The following DTNB variants were observed in gnomAD, a reference collection of about 807,000 sequenced individuals.
DTNB encodes the protein DTN-B.
A neutral mutation model predicts 90.7 loss-of-function variants in DTNB; 63 were observed. That is an observed-to-expected ratio of 0.69 (90% CI 0.57 to 0.86). DTNB has a LOEUF of 0.86. Ranked by LOEUF, DTNB falls within the 40% of genes least tolerant of loss-of-function variation. The pLI is 0.00. For missense variants in DTNB, 744 were observed against 807.1 expected (o/e 0.92, Z 0.95); for synonymous variants, 277 against 286.7 (o/e 0.97, Z 0.34).
chr2:25,475,704 T>C (rs1198960238), intron 10 of DTNB, among the ~76,000 whole-genome samples: 1 of 152,244 alleles, frequency 6.6e-6, no homozygotes, highest in East Asian at 1.9e-4. Flanking sequence ...AAGGACAGGC[T>C]GATTCTCTTG....
chr2:25,549,350 G>A (rs1382749866), intron 8 of DTNB, among the ~76,000 whole-genome samples: 1 of 151,574 alleles, frequency 6.6e-6, no homozygotes, highest in Non-Finnish European at 1.5e-5. Flanking sequence ...GATTGGTCAA[G>A]GTTGTTTTTG....
intron 12 of DTNB, among the ~76,000 whole-genome samples, chr2:25,441,238 G>C (rs2057310666): frequency 6.6e-6 from 1 of 152,202 alleles, no homozygotes; most frequent in African/African-American, 2.4e-5. Flanking sequence ...AAACCCAGTT[G>C]GGGCCATTTC....
intron 10 of DTNB, among the ~76,000 whole-genome samples, chr2:25,480,220 C>T (rs770373119): frequency 4.6e-5 from 7 of 152,214 alleles, no homozygotes; most frequent in Admixed American, 2.0e-4. Flanking sequence ...CCTATGGAGC[C>T]GCTACTCAAG....
chr2:25,638,319 G>A (rs187657758), intron 3 of DTNB, among the ~76,000 whole-genome samples: 1 of 152,202 alleles, frequency 6.6e-6, no homozygotes, highest in African/African-American at 2.4e-5. Flanking sequence ...TAACAAACCT[G>A]CACGTTGTGC....
intron 10 of DTNB, among the ~76,000 whole-genome samples, chr2:25,481,411 T>TAAAAAA (rs5829978): frequency 2.1e-5 from 3 of 141,768 alleles, no homozygotes; most frequent in Non-Finnish European, 4.6e-5. Flanking sequence ...TCTCCAAATT[T>TAAAAAA]AAAAAAAAAA....
chr2:25,403,478 C>T (rs1022546215), intron 16 of DTNB, among the ~76,000 whole-genome samples: 11 of 152,106 alleles, frequency 7.2e-5, no homozygotes, highest in Non-Finnish European at 1.5e-4. Context: ...GATGAGAGAC[C>T]TCACCAACCA....
intron 9 of DTNB, among the ~76,000 whole-genome samples, chr2:25,513,751 CAAA>C (rs766882625): frequency 9.4e-6 from 1 of 106,934 alleles, no homozygotes; most frequent in Admixed American, 9.6e-5. Flanking sequence ...ACAAAACAAC[CAAA>C]AAAAAAAAAA....
chr2:25,571,559 C>A (rs141803568), intron 8 of DTNB, among the ~76,000 whole-genome samples: 29 of 152,154 alleles, frequency 1.9e-4, no homozygotes, highest in African/African-American at 6.8e-4. Context: ...CAGATCTCTG[C>A]TGGTAAACTT....
intron 9 of DTNB, among the ~76,000 whole-genome samples, chr2:25,494,085 G>T (rs986733378): frequency 2.6e-5 from 4 of 152,152 alleles, no homozygotes; most frequent in Admixed American, 6.5e-5. Flanking sequence ...GGGAGGTTGT[G>T]GGGGGAAGAC....
At chr2:25,506,281 G>A (rs2072403966) in intron 9 of DTNB, among the ~76,000 whole-genome samples, 1 of 152,042 alleles carries the variant, frequency 6.6e-6, no homozygotes, top group South Asian at 2.1e-4. Context: ...TTTCAAAATA[G>A]AAAAGAGAAC....
Position 25,395,627 on chromosome 2 carries a change from A to G in DTNB, c.1576-7266T>C, listed in dbSNP as rs959919025. 4.0e-5 allele frequency among the ~76,000 whole-genome samples: 6 copies of G among 151,616 alleles called. 1 individual carries two copies. In the East Asian group the frequency reaches 7.7e-4, roughly 20 times the overall value. ...AACCACATCAGCATCAGTTTCTAGCAATAGCAAATATTCAAAATCTATGTG... is the reference window on the plus strand; with the variant it reads ...AACCACATCAGCATCAGTTTCTAGCGATAGCAAATATTCAAAATCTATGTG... On this transcript the variant is annotated intron_variant, in intron 16 of 20. Transcript: ENST00000406818.
rs1033752053 is a variant in DTNB, at chr2:25,613,843, G to A, written c.363-6522C>T. 7.9e-5 allele frequency among the ~76,000 whole-genome samples: 12 copies of A among 151,976 alleles called. No homozygotes were observed. In the South Asian group the frequency reaches 1.2e-3, roughly 16 times the overall value. On this transcript the variant is annotated intron_variant, in intron 4 of 20. Transcript: ENST00000406818. Reference sequence around the variant, plus strand: ...CGTGGTGGCGCTCACCAGTAATCCCGGCTACTCAGGAGGCTGAGGCAGGAG... The same window carrying A: ...CGTGGTGGCGCTCACCAGTAATCCCAGCTACTCAGGAGGCTGAGGCAGGAG...
chr2:25,569,656 G>A (rs746714327), intron 8 of DTNB, among the ~76,000 whole-genome samples: 3 of 152,046 alleles, frequency 2.0e-5, no homozygotes, highest in African/African-American at 2.4e-5. Flanking sequence ...TATTTGATTC[G>A]GGGGCTACTG....
At chr2:25,425,290 A>C (rs60423249) in intron 15 of DTNB, among the ~76,000 whole-genome samples, 2,011 of 152,230 alleles carry the variant, frequency 0.013, 56 homozygotes, top group African/African-American at 0.045. Context: ...AAAAAACAAC[A>C]ACCACCACCA....
intron 3 of DTNB, among the ~76,000 whole-genome samples, chr2:25,635,315 C>CA (rs1457595414): frequency 9.2e-5 from 14 of 152,034 alleles, no homozygotes; most frequent in African/African-American, 3.4e-4. Flanking sequence ...CCTGTAGTTC[C>CA]AGCTACTGGG....
chr2:25,642,524 C>T (rs1473562983), intron 2 of DTNB, among the ~76,000 whole-genome samples: 1 of 151,874 alleles, frequency 6.6e-6, no homozygotes, highest in African/African-American at 2.4e-5. Context: ...AGGTGATTCA[C>T]CTCAGCCTCC....
chr2:25,626,500 A>G (rs1176199633), intron 4 of DTNB, among the ~76,000 whole-genome samples: 2 of 152,180 alleles, frequency 1.3e-5, no homozygotes, highest in Non-Finnish European at 2.9e-5. Flanking sequence ...ACAGTGGTAC[A>G]CACCTGTAAT....
intron 9 of DTNB, among the ~76,000 whole-genome samples, chr2:25,492,432 T>C (rs529694366): frequency 6.6e-6 from 1 of 152,346 alleles, no homozygotes; most frequent in Non-Finnish European, 1.5e-5. Context: ...CTGAGTGTTA[T>C]GACTCATTTT....
intron 1 of DTNB, among the ~76,000 whole-genome samples, chr2:25,672,004 T>C (rs543643313): frequency 6.6e-6 from 1 of 152,028 alleles, no homozygotes; most frequent in Admixed American, 6.6e-5. Flanking sequence ...ACCCTCTTCC[T>C]TCTCAAGTAA....
Sources: gnomAD v4.1 joint callset for allele counts (sites outside exome capture counted in the v4.1 genomes callset) on GRCh38, gnomAD v4.1.1 for gene constraint, MANE v1.5 for transcripts, NCBI Gene and HGNC (gene_info 2026-07-23, HGNC 2026-07-21) for gene names.